GLG1: variants seen among roughly 807,000 people sequenced by gnomAD.
The protein encoded by GLG1 is Golgi apparatus protein 1.
In GLG1, 38 loss-of-function variants were observed where a neutral mutation model predicts 160.5. The ratio of observed to expected loss-of-function variants is 0.24; its 90% CI spans 0.18 to 0.31. The LOEUF is 0.31. GLG1 is among the 10% of genes least tolerant of loss of function. The probability of loss-of-function intolerance (pLI) is 1.00; values close to 1 mark genes in which losing one functional copy is unlikely to be tolerated. For missense variants in GLG1, 1,373 were observed against 1,505.2 expected, an observed-to-expected ratio of 0.91 and a Z score of 1.45; for synonymous variants, 644 against 543.4, an observed-to-expected ratio of 1.19 and a Z score of -2.57.
chr16:74,572,635 C>T (rs574279809), intron 1 of GLG1, among the ~76,000 whole-genome samples: 6 of 152,202 alleles, frequency 3.9e-5, no homozygotes, highest in Non-Finnish European at 8.8e-5. Context: ...CATAGAAGCT[C>T]CTTGCCCCTT....
chr16:74,474,534 C>A lies in GLG1; in HGVS notation c.2052+12G>T, dbSNP rs1296497228. The A allele has an allele frequency of 1.0e-5, 13 of 1,264,610 alleles. No individual in the cohort carries two copies. Among genetic ancestry groups the A allele is most frequent in the Non-Finnish European group, 1.4e-5 (12 of 860,618 alleles). The allele number at this position is 1,264,610 out of a possible 1,614,324, so 78.3% of individuals were successfully genotyped here. Reference sequence around the variant, plus strand: ...CCACTCTCCTCCAATGAGTAAGCTGCATACCACTTACCTCTGATTCTAACT... The same window carrying A: ...CCACTCTCCTCCAATGAGTAAGCTGAATACCACTTACCTCTGATTCTAACT... On this transcript the variant is annotated intron_variant, in intron 13 of 25. Transcript: ENST00000422840.
In GLG1 at chr16:74,606,753, C is replaced by A; in HGVS notation, c.342G>T (p.Glu114Asp). 6.2e-7 allele frequency: 1 copy of A among 1,613,314 alleles called. No individual in the cohort carries two copies. Among genetic ancestry groups the A allele is most frequent in the South Asian group, 1.1e-5 (1 of 91,026 alleles). ...AGAGGGWKLA[E>D]EESCREDVTR... ...TCACGTCCTCCCTGCAGGACTCTTC[C>A]TCCGCCAGCTTCCAGCCCCCACCAG... The change falls in exon 1 of 26, where the codon GAG becomes GAT. Residue 114 changes from glutamate to aspartate, a missense_variant. Physicochemically the swap from Glu to Asp is conservative, Grantham distance 45. This residue lies in a region of GLG1 where 322 missense variants were observed against 254.6 expected (regional missense o/e 1.26). Coordinates refer to ENST00000422840, the MANE Select transcript of GLG1 (RefSeq NM_001145667.2).
chr16:74,488,927 C>G (rs1305237968), intron 8 of GLG1, among the ~76,000 whole-genome samples: 1 of 152,068 alleles, frequency 6.6e-6, no homozygotes, highest in Non-Finnish European at 1.5e-5. Context: ...CCTCACTTGG[C>G]TAAATTTAAT....
intron 1 of GLG1, among the ~76,000 whole-genome samples, chr16:74,582,806 G>A (rs1247113219): frequency 6.6e-6 from 1 of 151,462 alleles, no homozygotes; most frequent in East Asian, 2.0e-4. Context: ...GGTGACAAGA[G>A]TGAGACTCCT....
At chr16:74,483,726 T>C (rs2015689176) in intron 9 of GLG1, among the ~76,000 whole-genome samples, 1 of 151,892 alleles carries the variant, frequency 6.6e-6, no homozygotes, top group Non-Finnish European at 1.5e-5. Flanking sequence ...TGGCGCAACC[T>C]TGGCTCACGC....
intron 1 of GLG1, among the ~76,000 whole-genome samples, chr16:74,573,581 CTTTTTTTT>C (rs34868210): frequency 3.8e-4 from 39 of 102,652 alleles, no homozygotes; most frequent in Admixed American, 3.4e-3. Flanking sequence ...TTTATCTTGC[CTTTTTTTT>C]TTTTTTTTTT....
chr16:74,606,586 G>A (rs1958571858), intron 1 of GLG1, 71 bp downstream of exon 1: 2 of 1,332,732 alleles, frequency 1.5e-6, no homozygotes, highest in Non-Finnish European at 1.0e-6. Flanking sequence ...GGCGTCAGCG[G>A]CTTCCAAGGC....
At position 74,447,742 on chromosome 16, in the gene GLG1, G is replaced by A. The variant is rs2014124430; in HGVS notation, c.*5425C>T. ...CTGGTTTGGGAACACTGTGCTGGGG[G>A]AAGCTGCCCAGGAAGCGCTCCCGCT... On this transcript the variant is annotated 3_prime_UTR_variant, in exon 26 of 26. Coordinates refer to ENST00000422840, the MANE Select transcript of GLG1 (RefSeq NM_001145667.2). The A allele has an allele frequency of 6.6e-6, 1 of 152,340 alleles. No homozygotes were observed. Among genetic ancestry groups the A allele is most frequent in the African/African-American group, 2.4e-5 (1 of 41,480 alleles). 9.4% of individuals were successfully genotyped at this position (152,340 alleles called of 1,614,324 possible).
chr16:74,457,857 T>A lies in GLG1; in HGVS notation c.3265+17A>T. 1 of 1,612,286 alleles carries A rather than the reference T, an allele frequency of 6.2e-7. No homozygotes were observed. The highest frequency in any genetic ancestry group is 8.5e-7 in the Non-Finnish European group (1 of 1,179,036). On this transcript the variant is annotated intron_variant, in intron 24 of 25. Coordinates refer to ENST00000422840, the MANE Select transcript of GLG1 (RefSeq NM_001145667.2). Reference sequence around the variant, plus strand: ...AAGAGAGTTCAGACAGGATCAAGAGTGAACACAGAGACTTACGACGCCCGC... The same window carrying A: ...AAGAGAGTTCAGACAGGATCAAGAGAGAACACAGAGACTTACGACGCCCGC...
At chr16:74,482,894 AGT>A (rs1445455452) in intron 10 of GLG1, 127 bp downstream of exon 10, 8 of 660,124 alleles carry the variant, frequency 1.2e-5, no homozygotes, top group African/African-American at 1.1e-4. Context: ...AGGGGATTGG[AGT>A]GTGTTAGCTG....
intron 3 of GLG1, 114 bp from the exon 4 acceptor site, chr16:74,503,860 G>A: frequency 2.5e-5 from 17 of 691,456 alleles, no homozygotes; most frequent in Middle Eastern, 3.0e-4. Flanking sequence ...TTCTTTACTT[G>A]GAAGAAAAAA....
intron 8 of GLG1, among the ~76,000 whole-genome samples, chr16:74,487,612 C>T (rs1303144574): frequency 1.3e-5 from 2 of 151,934 alleles, no homozygotes; most frequent in Non-Finnish European, 2.9e-5. Flanking sequence ...CGAATGATTA[C>T]CAATGTTACT....
At chr16:74,540,932 G>A (rs4329938) in intron 1 of GLG1, among the ~76,000 whole-genome samples, 145,547 of 152,214 alleles carry the variant, frequency 0.96, 69,948 homozygotes, top group East Asian at 1. Context: ...TGAAAGTGGC[G>A]CTAATGTTTA....
intron 9 of GLG1, among the ~76,000 whole-genome samples, chr16:74,485,210 G>A (rs1166373340): frequency 6.6e-6 from 1 of 152,202 alleles, no homozygotes; most frequent in Non-Finnish European, 1.5e-5. Flanking sequence ...TCCGGCCATG[G>A]TTTAAGAGCT....
chr16:74,474,523 T>A, intron 13 of GLG1, 23 bp downstream of exon 13: 1 of 1,123,570 alleles, frequency 8.9e-7, no homozygotes, highest in Middle Eastern at 2.0e-4. Context: ...TCTCCTCCAA[T>A]GAGTAAGCTG....
At chr16:74,528,438 C>G (rs1182113305) in intron 2 of GLG1, among the ~76,000 whole-genome samples, 3 of 152,078 alleles carry the variant, frequency 2.0e-5, no homozygotes, top group African/African-American at 7.2e-5. Context: ...CTGTCATTTT[C>G]CTTCCCTCAA....
chr16:74,513,189 G>A (rs1005341896), intron 2 of GLG1, among the ~76,000 whole-genome samples: 1 of 152,150 alleles, frequency 6.6e-6, no homozygotes, highest in Non-Finnish European at 1.5e-5. Flanking sequence ...TGATTACACT[G>A]GAGAAGGGCA....
chr16:74,554,578 A>C (rs370843657), intron 1 of GLG1, among the ~76,000 whole-genome samples: 3 of 152,204 alleles, frequency 2.0e-5, no homozygotes, highest in African/African-American at 7.2e-5. Flanking sequence ...ACTTTTCTCA[A>C]TATATTCTGG....
In GLG1 at chr16:74,465,769, G is replaced by T; in HGVS notation, c.2574C>A (p.Arg858=). The T allele has an allele frequency of 6.2e-7, 1 of 1,613,504 alleles. No individual in the cohort carries two copies. The highest frequency in any genetic ancestry group is 8.5e-7 in the Non-Finnish European group (1 of 1,179,418). ...GCAGCTTAAATACTTTTTGGTGGCA[G>T]CGGGTGCTTAGCTGCTTCTTGTTTT... ...LKENKKQLST[R]CHQKVFKLQE... Residue 858 remains arginine, a synonymous_variant, in exon 19 of 26, where the codon CGC becomes CGA. Coordinates refer to ENST00000422840, the MANE Select transcript of GLG1 (RefSeq NM_001145667.2).
Sources: allele counts gnomAD v4.1 joint callset (sites outside exome capture counted in the v4.1 genomes callset), GRCh38; gene constraint gnomAD v4.1.1; regional missense constraint gnomAD v4.1.1; transcripts MANE v1.5; gene names NCBI Gene and HGNC (gene_info 2026-07-23, HGNC 2026-07-21).